Variants in GTF2IRD2 observed in about 807,000 individuals in gnomAD.
GTF2IRD2 encodes the protein GTF2I repeat domain containing 2, also known as general transcription factor II-I repeat domain-containing protein 2A.
GTF2IRD2 carries 8 observed loss-of-function variants against 49.2 expected under a neutral mutation model. That is an observed-to-expected ratio of 0.16 (90% CI 0.10 to 0.29). The LOEUF (loss-of-function observed/expected upper bound fraction) is 0.29. Among genes scored for constraint, GTF2IRD2 ranks in the 10% least tolerant of loss-of-function variants. The pLI, the probability that GTF2IRD2 is intolerant of heterozygous loss-of-function variation, is 1.00. For synonymous variants in GTF2IRD2, 47 were observed against 289.7 expected (o/e 0.16, Z 8.51); for missense variants, 130 against 725.7 (o/e 0.18, Z 9.43).
At chr7:74,835,139 TAA>T (rs1364332135) in intron 2 of GTF2IRD2, among the ~76,000 whole-genome samples, 1 of 150,170 alleles carries the variant, frequency 6.7e-6, no homozygotes, top group Non-Finnish European at 1.5e-5. Flanking sequence ...ACCCACCAGG[TAA>T]AGTTTATCTT....
At chr7:74,808,834 T>C (rs1192894936) in intron 11 of GTF2IRD2, among the ~76,000 whole-genome samples, 1 of 68,046 alleles carries the variant, frequency 1.5e-5, no homozygotes, top group Non-Finnish European at 3.3e-5. Flanking sequence ...GCCTCTCAGG[T>C]TCAAGCGATC....
At chr7:74,800,176 T>A (rs1183886479) in intron 15 of GTF2IRD2, among the ~76,000 whole-genome samples, 1 of 138,266 alleles carries the variant, frequency 7.2e-6, no homozygotes. Context: ...GGAATAAAAA[T>A]GGAGCATTTT....
intron 3 of GTF2IRD2, among the ~76,000 whole-genome samples, chr7:74,829,745 G>C (rs1554420167): frequency 2.0e-5 from 3 of 150,576 alleles, no homozygotes; most frequent in African/African-American, 7.3e-5. Flanking sequence ...AAAATTAGCT[G>C]GGCATGGTGG....
At chr7:74,818,625 T>C (rs1445560368) in intron 8 of GTF2IRD2, among the ~76,000 whole-genome samples, 1 of 137,894 alleles carries the variant, frequency 7.3e-6, no homozygotes, top group Non-Finnish European at 1.5e-5. Context: ...ATTTTTTATA[T>C]GTTTTGCAGA....
intron 1 of GTF2IRD2, among the ~76,000 whole-genome samples, chr7:74,844,259 C>G (rs1554422191): frequency 6.9e-6 from 1 of 144,262 alleles, no homozygotes; most frequent in African/African-American, 2.5e-5. Flanking sequence ...GATCCACCTG[C>G]CTCAGCCTCC....
chr7:74,831,220 A>C (rs1799815337), intron 3 of GTF2IRD2, among the ~76,000 whole-genome samples: 1 of 149,298 alleles, frequency 6.7e-6, no homozygotes, highest in South Asian at 2.1e-4. Context: ...CTCTCTCTCT[A>C]TCCATTCATC....
chr7:74,825,981 T>G (rs1201963024), intron 3 of GTF2IRD2, among the ~76,000 whole-genome samples: 3 of 151,756 alleles, frequency 2.0e-5, no homozygotes, highest in Admixed American at 1.3e-4. Flanking sequence ...TTTGTATTTT[T>G]TAGTAGAGAT....
intron 2 of GTF2IRD2, among the ~76,000 whole-genome samples, chr7:74,833,291 CAGG>C (rs1309804869): frequency 9.3e-6 from 1 of 107,830 alleles, no homozygotes; most frequent in Non-Finnish European, 1.9e-5. Context: ...CCGTGTTAGC[CAGG>C]ATGGTCTCGA....
chr7:74,841,990 G>A (rs1184051975), intron 1 of GTF2IRD2, among the ~76,000 whole-genome samples: 1 of 132,592 alleles, frequency 7.5e-6, no homozygotes, highest in Non-Finnish European at 1.6e-5. Context: ...CGGGCATGGT[G>A]GCGCACGCCT....
At chr7:74,839,261 G>A (rs1290630473) in intron 1 of GTF2IRD2, among the ~76,000 whole-genome samples, 2 of 41,950 alleles carry the variant, frequency 4.8e-5, no homozygotes, top group Non-Finnish European at 7.8e-5. Context: ...CTCTGTTCTG[G>A]CAACAGAGCT....
intron 1 of GTF2IRD2, among the ~76,000 whole-genome samples, chr7:74,839,017 C>T (rs1554421298): frequency 0.38 from 7,383 of 19,254 alleles, 3,417 homozygotes; most frequent in East Asian, 0.88. Flanking sequence ...CTCTGCCTCC[C>T]GGGTTCAAGC....
chr7:74,842,404 T>C (rs2131817089), intron 1 of GTF2IRD2, among the ~76,000 whole-genome samples: 1 of 138,306 alleles, frequency 7.2e-6, no homozygotes, highest in Non-Finnish European at 1.5e-5. Context: ...TAATTTTTTG[T>C]ATTTGTAGTA....
chr7:74,836,707 A>T (rs2131792892), intron 1 of GTF2IRD2, among the ~76,000 whole-genome samples: 1 of 152,382 alleles, frequency 6.6e-6, no homozygotes, highest in East Asian at 1.9e-4. Flanking sequence ...CTGGGACTAC[A>T]GGTGAGCGCC....
At chr7:74,826,122 G>T (rs1799371832) in intron 3 of GTF2IRD2, among the ~76,000 whole-genome samples, 1 of 151,084 alleles carries the variant, frequency 6.6e-6, no homozygotes, top group African/African-American at 2.4e-5. Flanking sequence ...GGTGTTGTTG[G>T]TGAAGTCTGG....
At chr7:74,813,428 C>A in intron 8 of GTF2IRD2, among the ~76,000 whole-genome samples, 1 of 55,562 alleles carries the variant, frequency 1.8e-5, no homozygotes, top group African/African-American at 4.5e-5. Context: ...TGAAGGAAGG[C>A]ATCGTGAAGG....
chr7:74,839,855 C>T (rs1554421519), intron 1 of GTF2IRD2, among the ~76,000 whole-genome samples: 1 of 107,558 alleles, frequency 9.3e-6, no homozygotes, highest in African/African-American at 4.0e-5. Context: ...TAAAAATTAG[C>T]TGGGCATGGT....
intron 1 of GTF2IRD2, among the ~76,000 whole-genome samples, chr7:74,839,955 G>A (rs1263823086): frequency 1.4e-5 from 2 of 146,968 alleles, no homozygotes; most frequent in Non-Finnish European, 3.0e-5. Flanking sequence ...AGCCAAGATT[G>A]TGCCACTGCC....
At chr7:74,846,517 CA>C (rs1801314178) in intron 1 of GTF2IRD2, among the ~76,000 whole-genome samples, 1 of 137,216 alleles carries the variant, frequency 7.3e-6, no homozygotes. Context: ...ACTATCCTTA[CA>C]AACAAAGTTT....
chr7:74,826,900 C>T (rs1264663837), intron 3 of GTF2IRD2, among the ~76,000 whole-genome samples: 2 of 150,806 alleles, frequency 1.3e-5, no homozygotes, highest in Non-Finnish European at 2.9e-5. Context: ...TTAGTAGAGA[C>T]GAGGTTTCGC....
Sources: allele counts gnomAD v4.1 joint callset (sites outside exome capture counted in the v4.1 genomes callset), GRCh38; gene constraint gnomAD v4.1.1; transcripts MANE v1.5; gene names NCBI Gene and HGNC (gene_info 2026-07-23, HGNC 2026-07-21).